The following TMEM132B variants were observed in gnomAD, a reference collection of about 807,000 sequenced individuals.
TMEM132B encodes the protein transmembrane protein 132B.
Under a neutral mutation model 90.8 loss-of-function variants are expected in TMEM132B, and 18 were observed. That is an observed-to-expected ratio of 0.20 (90% CI 0.14 to 0.29). The LOEUF is 0.29. Among genes scored for constraint, TMEM132B ranks in the 10% least tolerant of loss-of-function variants. The pLI is 1.00. For synonymous variants in TMEM132B, 504 were observed against 523.3 expected, an observed-to-expected ratio of 0.96 and a Z score of 0.50; for missense variants, 1,096 against 1,326.8, an observed-to-expected ratio of 0.83 and a Z score of 2.70.
chr12:125,303,828 G>C (rs899686580), intron 1 of TMEM132B, among the ~76,000 whole-genome samples: 2 of 152,080 alleles, frequency 1.3e-5, no homozygotes, highest in African/African-American at 4.8e-5. Flanking sequence ...TTTTAATTGG[G>C]TTGTTTGTCT....
intron 5 of TMEM132B, among the ~76,000 whole-genome samples, chr12:125,629,159 A>C (rs1406253743): frequency 1.3e-5 from 2 of 151,678 alleles, no homozygotes; most frequent in South Asian, 2.1e-4. Context: ...TAGAAATTCT[A>C]GGATTTTTTT....
intron 3 of TMEM132B, among the ~76,000 whole-genome samples, chr12:125,416,963 A>G (rs1880031784): frequency 6.6e-6 from 1 of 152,206 alleles, no homozygotes; most frequent in Non-Finnish European, 1.5e-5. Context: ...TGCAAGTAAT[A>G]GAATATTTAC....
At chr12:125,532,766 C>T (rs577499032) in intron 4 of TMEM132B, among the ~76,000 whole-genome samples, 145 of 152,200 alleles carry the variant, frequency 9.5e-4, no homozygotes, top group Non-Finnish European at 1.6e-3. Flanking sequence ...CTGCCCCCCT[C>T]GGCCTCCCAA....
chr12:125,639,943 CG>C, intron 5 of TMEM132B, among the ~76,000 whole-genome samples: 1 of 152,264 alleles, frequency 6.6e-6, no homozygotes, highest in Middle Eastern at 3.4e-3. Flanking sequence ...GCCTCAAAGT[CG>C]GGGGGTCCAG....
intron 1 of TMEM132B, among the ~76,000 whole-genome samples, chr12:125,192,370 T>C (rs1052258969): frequency 2.0e-5 from 3 of 152,214 alleles, no homozygotes; most frequent in Non-Finnish European, 4.4e-5. Flanking sequence ...GTGCAATTTA[T>C]TGGATTTTGA....
intron 2 of TMEM132B, among the ~76,000 whole-genome samples, chr12:125,374,010 G>T (rs890087763): frequency 6.6e-6 from 1 of 152,184 alleles, no homozygotes; most frequent in African/African-American, 2.4e-5. Flanking sequence ...AGCCAGACTG[G>T]TCTCGAACTC....
Position 125,650,909 on chromosome 12 carries a change from G to C in TMEM132B, c.1870G>C (p.Gly624Arg), listed in dbSNP as rs200968619. ...EEPKIAQLQD[G>R]RTLAGREPGI... The stretch of plus-strand genomic sequence containing the variant: ...GCCGAAAATCGCTCAGTTACAGGAC[G>C]GCAGGACCCTGGCTGGTCGGGAGCC... Residue 624 changes from glycine to arginine, a missense_variant, in exon 7 of 9, where the codon GGC (glycine) becomes CGC (arginine). Gly to Arg is a moderately radical substitution (Grantham distance 125, BLOSUM62 -2). Coordinates refer to ENST00000682704, the MANE Select transcript of TMEM132B (RefSeq NM_001366854.1). 7 of 1,613,404 alleles carry C rather than the reference G, an allele frequency of 4.3e-6. No individual in the cohort carries two copies. The South Asian group carries it at 5.5e-5, about 13-fold the overall frequency.
chr12:125,418,030 A>T (rs1247968846), intron 3 of TMEM132B, among the ~76,000 whole-genome samples: 1 of 152,090 alleles, frequency 6.6e-6, no homozygotes, highest in Non-Finnish European at 1.5e-5. Context: ...CCTTAGTCTC[A>T]TGCCTCCTGC....
intron 4 of TMEM132B, among the ~76,000 whole-genome samples, chr12:125,548,600 G>A (rs1430162370): frequency 6.6e-6 from 1 of 152,238 alleles, no homozygotes; most frequent in African/African-American, 2.4e-5. Context: ...CAGGCGAAAG[G>A]CTGGTGGTCT....
At chr12:125,472,126 A>G (rs1257587049) in intron 3 of TMEM132B, among the ~76,000 whole-genome samples, 1 of 152,186 alleles carries the variant, frequency 6.6e-6, no homozygotes, top group Non-Finnish European at 1.5e-5. Flanking sequence ...AATTCTAGTA[A>G]ACTCTTGGGA....
intron 5 of TMEM132B, among the ~76,000 whole-genome samples, chr12:125,628,510 T>A (rs1886286321): frequency 6.6e-6 from 1 of 152,178 alleles, no homozygotes; most frequent in Non-Finnish European, 1.5e-5. Context: ...TTTTTTCCAA[T>A]TAAGTTGTTT....
At chr12:125,605,788 G>C (rs1593018093) in intron 5 of TMEM132B, among the ~76,000 whole-genome samples, 1 of 152,170 alleles carries the variant, frequency 6.6e-6, no homozygotes, top group Non-Finnish European at 1.5e-5. Flanking sequence ...AAGGATGTTG[G>C]TTCACCATCC....
Position 125,406,546 on chromosome 12 carries a change from C to T in TMEM132B, c.960-8985C>T, listed in dbSNP as rs1327741952. On this transcript the variant is annotated intron_variant, in intron 2 of 8. Transcript: ENST00000682704. The surrounding 1 kb of genome is among the most constrained non-coding windows in gnomAD (Gnocchi z 8.3). Reference sequence around the variant, plus strand: ...CTCCTCTTTGCATTTCCAAGTGCTTCATGTGTAGTACCTGAAACTCAAGAA... The same window carrying T: ...CTCCTCTTTGCATTTCCAAGTGCTTTATGTGTAGTACCTGAAACTCAAGAA... 1.3e-5 allele frequency among the ~76,000 whole-genome samples: 2 copies of T among 152,234 alleles called. No homozygotes were observed. Among genetic ancestry groups the T allele is most frequent in the Non-Finnish European group, 2.9e-5 (2 of 68,042 alleles).
chr12:125,440,148 C>T (rs1411483920), intron 3 of TMEM132B, among the ~76,000 whole-genome samples: 1 of 152,034 alleles, frequency 6.6e-6, no homozygotes, highest in Non-Finnish European at 1.5e-5. Flanking sequence ...TGTTGTGTCT[C>T]CTCCAGGTTT....
chr12:125,227,887 TCCCAGTGTTG>T (rs1164569032), intron 1 of TMEM132B, among the ~76,000 whole-genome samples: 1 of 152,162 alleles, frequency 6.6e-6, no homozygotes, highest in Non-Finnish European at 1.5e-5. Context: ...CCACACTGTG[TCCCAGTGTTG>T]CCCAGTGTTG....
intron 4 of TMEM132B, among the ~76,000 whole-genome samples, chr12:125,581,618 A>G (rs1257347018): frequency 6.6e-6 from 1 of 152,186 alleles, no homozygotes; most frequent in Non-Finnish European, 1.5e-5. Flanking sequence ...TACAGAGAGA[A>G]AAAAAATGAA....
At chr12:125,474,691 A>G (rs994557257) in intron 3 of TMEM132B, among the ~76,000 whole-genome samples, 1 of 152,214 alleles carries the variant, frequency 6.6e-6, no homozygotes, top group African/African-American at 2.4e-5. Flanking sequence ...ACCTTAGCAC[A>G]AAGGGAAATG....
At chr12:125,529,285 T>C (rs1398905294) in intron 4 of TMEM132B, among the ~76,000 whole-genome samples, 3 of 152,064 alleles carry the variant, frequency 2.0e-5, no homozygotes, top group African/African-American at 4.8e-5. Flanking sequence ...TTTGTAGAGA[T>C]GAGGTCTCAC....
chr12:125,534,398 TCC>T (rs1427019563), intron 4 of TMEM132B, among the ~76,000 whole-genome samples: 1 of 152,106 alleles, frequency 6.6e-6, no homozygotes, highest in Non-Finnish European at 1.5e-5. Flanking sequence ...ATGCCTGTAA[TCC>T]CAGCTACTCG....
Sources: gnomAD v4.1 joint callset for allele counts (sites outside exome capture counted in the v4.1 genomes callset) on GRCh38, gnomAD v4.1.1 for gene constraint, Gnocchi (gnomAD v3.1) non-coding constraint, MANE v1.5 for transcripts, NCBI Gene and HGNC (gene_info 2026-07-23, HGNC 2026-07-21) for gene names.